The following EHD1 variants were observed in gnomAD, a reference collection of about 807,000 sequenced individuals.
EHD1 encodes the protein EH domain-containing protein 1.
Under a neutral mutation model 39.0 loss-of-function variants are expected in EHD1, and 19 were observed. That is an observed-to-expected ratio of 0.49 (90% confidence interval 0.34 to 0.72). The LOEUF (loss-of-function observed/expected upper bound fraction) is 0.72, where lower values mean the gene tolerates loss of function less well. Ranked by LOEUF, EHD1 falls within the 30% of genes least tolerant of loss-of-function variation. The probability of loss-of-function intolerance (pLI) is 0.01; values close to 1 mark genes in which losing one functional copy is unlikely to be tolerated. For synonymous variants in EHD1, 323 were observed against 331.2 expected (o/e 0.98, Z 0.27); for missense variants, 542 against 751.5 (o/e 0.72, Z 3.26).
chr11:64,855,507 T>A, intron 3 of EHD1, 21 bp from the exon 4 acceptor site: 1 of 1,612,796 alleles, frequency 6.2e-7, no homozygotes, highest in Non-Finnish European at 8.5e-7. Flanking sequence ...GGGGTGAGCA[T>A]CAGGCGCTCT....
chr11:64,879,166 G>A (rs1716928713), upstream of EHD1: 1 of 1,035,042 alleles, frequency 9.7e-7, no homozygotes. Context: ...TCTGCTTTGG[G>A]AGAGGGAGAG....
At chr11:64,878,635 C>A (rs1024044762), upstream of EHD1, 83 of 1,405,710 alleles carry the variant, frequency 5.9e-5, 1 homozygote, top group East Asian at 2.7e-4. Context: ...GCGCACCCCT[C>A]GCGGAGCGGC....
intron 2 of EHD1, among the ~76,000 whole-genome samples, chr11:64,863,614 A>T (rs1213157556): frequency 2.0e-5 from 3 of 152,328 alleles, no homozygotes; most frequent in African/African-American, 7.2e-5. Context: ...AAGCTCGCTC[A>T]TGGGATAAAC....
chr11:64,858,509 C>T (rs753263253), intron 3 of EHD1, among the ~76,000 whole-genome samples: 32 of 152,134 alleles, frequency 2.1e-4, no homozygotes, highest in Non-Finnish European at 4.0e-4. Flanking sequence ...CTGAAACAAC[C>T]GAGCCCTGTG....
At chr11:64,862,726 G>A (rs530715327) in intron 2 of EHD1, among the ~76,000 whole-genome samples, 7 of 152,062 alleles carry the variant, frequency 4.6e-5, no homozygotes, top group East Asian at 3.9e-4. Flanking sequence ...GCAAAATCCC[G>A]ACTCTACAAA....
chr11:64,868,224 T>C lies in EHD1; in HGVS notation c.502+6197A>G, dbSNP rs1398640327. Among the ~76,000 whole-genome samples the C allele has an allele frequency of 2.6e-5, 4 of 152,244 alleles. No homozygotes were observed. Among genetic ancestry groups the C allele is most frequent in the Admixed American group, 6.5e-5 (1 of 15,288 alleles). ...CAAGCTGCGTGGGCTTCAGTATTTC[T>C]CGCCCTAGCTCTCCATCACACAGGT... is the stretch of plus-strand genomic sequence containing the variant. On this transcript the variant is annotated intron_variant, in intron 2 of 4. Coordinates refer to ENST00000320631, the MANE Select transcript of EHD1 (RefSeq NM_006795.4). This position sits in a 1 kb window ranked among gnomAD's most constrained non-coding sequence, Gnocchi z 4.2.
chr11:64,877,846 C>T lies in EHD1; in HGVS notation c.404+215G>A, dbSNP rs1045599521. On this transcript the variant is annotated intron_variant, in intron 1 of 4. Coordinates refer to ENST00000320631, the MANE Select transcript of EHD1 (RefSeq NM_006795.4). Reference sequence around the variant, plus strand: ...TTACCCTGGAAGATTCTGGGGAGGACAGAAGCTGGGGGAGCCGACAACGCC... The same window carrying T: ...TTACCCTGGAAGATTCTGGGGAGGATAGAAGCTGGGGGAGCCGACAACGCC... The T allele has an allele frequency of 9.3e-6, 4 of 431,736 alleles. No individual in the cohort carries two copies. In the East Asian group the frequency reaches 1.4e-4, roughly 15 times the overall value. The allele number at this position is 431,736 out of a possible 1,614,324, so 26.7% of individuals were successfully genotyped here. A position where few individuals can be genotyped will look rare whatever the true frequency, so the allele number is the denominator to read the frequency against.
chr11:64,878,309 G>A lies in EHD1; in HGVS notation c.156C>T (p.Asp52=). The change falls in exon 1 of 5, where the codon GAC becomes GAT. Residue 52 remains aspartate (D), a synonymous_variant. Transcript: ENST00000320631. ...FHEFHSPALE[D]ADFDNKPMVL... is the part of the protein sequence containing the mutation. ...CCATAGGCTTGTTGTCGAAGTCAGC[G>A]TCCTCCAGCGCGGGCGAGTGGAACT... 1 of 1,614,212 alleles carries A rather than the reference G, an allele frequency of 6.2e-7. No homozygotes were observed. Among genetic ancestry groups the A allele is most frequent in the Non-Finnish European group, 8.5e-7 (1 of 1,180,036 alleles).
Position 64,855,341 on chromosome 11 carries a change from G to C in EHD1, c.1061C>G (p.Pro354Arg). Residue 354 changes from proline (P) to arginine (R), a missense_variant, in exon 4 of 5, where the codon CCG becomes CGG. Pro to Arg is a moderately radical substitution (Grantham distance 103). Transcript: ENST00000320631. ...REHQISPGDF[P>R]SLRKMQELLQ... ...CCGTACCTGCATCTTGCGGAGGCTC[G>C]GGAAGTCCCCAGGGGAGATCTGGTG... The C allele has an allele frequency of 6.2e-7, 1 of 1,613,938 alleles. No homozygotes were observed. The highest frequency in any genetic ancestry group is 8.5e-7 in the Non-Finnish European group (1 of 1,179,990).
Position 64,860,242 on chromosome 11 carries a change from C to A in EHD1, c.597G>T (p.Glu199Asp), listed in dbSNP as rs771522896. 1 of 1,614,126 alleles carries A rather than the reference C, an allele frequency of 6.2e-7. No homozygotes were observed. Among genetic ancestry groups the A allele is most frequent in the East Asian group, 2.2e-5 (1 of 44,880 alleles). Reference sequence around the variant, plus strand: ...TCAGAGCCTTGATCACTTCCGAGAACTCATCGGAGATGTCCAGCTTGTGGG... The same window carrying A: ...TCAGAGCCTTGATCACTTCCGAGAAATCATCGGAGATGTCCAGCTTGTGGG... ...FDAHKLDISD[E>D]FSEVIKALKN... The change falls in exon 3 of 5, where the codon GAG becomes GAT. Residue 199 changes from glutamate to aspartate, a missense_variant. Glu to Asp is a conservative substitution (Grantham distance 45). Coordinates refer to ENST00000320631, the MANE Select transcript of EHD1 (RefSeq NM_006795.4).
intron 2 of EHD1, among the ~76,000 whole-genome samples, chr11:64,862,930 G>A (rs1943730125): frequency 6.6e-6 from 1 of 152,202 alleles, no homozygotes; most frequent in South Asian, 2.1e-4. Flanking sequence ...TAAAACTTCT[G>A]TCCCTCCCGG....
Position 64,855,451 on chromosome 11 carries a change from C to A in EHD1, c.951G>T (p.Glu317Asp). 2 of 1,614,058 alleles carry A rather than the reference C, an allele frequency of 1.2e-6. No homozygotes were observed. The highest frequency in any genetic ancestry group is 1.7e-6 in the Non-Finnish European group (2 of 1,180,018). ...TCTCTTTACCAAAGACATTGGGCAT[C>A]TCTTTCTTGAGGGAGCTGATGATGT... Reference protein sequence around the residue: ...HAYIISSLKKEMPNVFGKESK... With the variant: ...HAYIISSLKKDMPNVFGKESK... Residue 317 changes from glutamate to aspartate, a missense_variant, in exon 4 of 5, where the codon GAG becomes GAT. Transcript: ENST00000320631.
rs756784660 is a variant in EHD1 at position 64,854,792 on chromosome 11, C to T, written c.1146G>A (p.Val382=). Residue 382 remains valine (V), a synonymous_variant, in exon 5 of 5, where the codon GTG becomes GTA. Coordinates refer to ENST00000320631, the MANE Select transcript of EHD1 (RefSeq NM_006795.4). ...CGATGTCGTTGGCCAGCATGTCATCCACCGTGTCCAGCAGCTTGGGCTTCA... is the reference window on the plus strand; with the variant it reads ...CGATGTCGTTGGCCAGCATGTCATCTACCGTGTCCAGCAGCTTGGGCTTCA... ...QALKPKLLDT[V]DDMLANDIAR... 5 of 1,604,600 alleles carry T rather than the reference C, an allele frequency of 3.1e-6. No individual in the cohort carries two copies. The African/African-American group carries it at 4.0e-5, about 13-fold the overall frequency.
At chr11:64,864,071 G>A (rs549186941) in intron 2 of EHD1, among the ~76,000 whole-genome samples, 1 of 152,366 alleles carries the variant, frequency 6.6e-6, no homozygotes, top group Non-Finnish European at 1.5e-5. Context: ...CACAGCTTCA[G>A]CCACACAGCC....
At chr11:64,878,705 T>G, upstream of EHD1, 17 of 1,349,710 alleles carry the variant, frequency 1.3e-5, no homozygotes, top group Non-Finnish European at 1.6e-5. Context: ...CAGGGCGGAA[T>G]TGGGGGCGGT....
At chr11:64,869,797 G>A (rs906737034) in intron 2 of EHD1, among the ~76,000 whole-genome samples, 1 of 152,276 alleles carries the variant, frequency 6.6e-6, no homozygotes, top group African/African-American at 2.4e-5. Context: ...GATGGTCTTC[G>A]GAGCACCCTG....
chr11:64,876,145 CTCTTAAG>C (rs1943883323), intron 1 of EHD1, among the ~76,000 whole-genome samples: 1 of 152,218 alleles, frequency 6.6e-6, no homozygotes, highest in Admixed American at 6.5e-5. Flanking sequence ...TTGCAAGACA[CTCTTAAG>C]ACACCCTGAC....
Position 64,853,393 on chromosome 11 carries a change from A to C in EHD1, c.*940T>G, listed in dbSNP as rs1470018787. ...CCTCCCACTGTGGAGGGTGCGTCCC[A>C]AAGCTCCAGTTAAGTGAGAGGGTAG... On this transcript the variant is annotated 3_prime_UTR_variant, in exon 5 of 5. Coordinates refer to ENST00000320631, the MANE Select transcript of EHD1 (RefSeq NM_006795.4). 6.6e-6 allele frequency: 1 copy of C among 152,212 alleles called. No homozygotes were observed. The highest frequency in any genetic ancestry group is 2.4e-5 in the African/African-American group (1 of 41,426). The allele number at this position is 152,212 out of a possible 1,614,324, so 9.4% of individuals were successfully genotyped here. A position where few individuals can be genotyped will look rare whatever the true frequency, so the allele number is the denominator to read the frequency against.
intron 1 of EHD1, among the ~76,000 whole-genome samples, chr11:64,876,525 G>A (rs957119182): frequency 5.9e-5 from 9 of 152,252 alleles, no homozygotes; most frequent in African/African-American, 4.8e-5. Flanking sequence ...AAGCAATCTC[G>A]AATTGCTCTT....
Sources: gnomAD v4.1 joint callset for allele counts (sites outside exome capture counted in the v4.1 genomes callset) on GRCh38, gnomAD v4.1.1 for gene constraint, Gnocchi (gnomAD v3.1) non-coding constraint, MANE v1.5 for transcripts, NCBI Gene and HGNC (gene_info 2026-07-23, HGNC 2026-07-21) for gene names.